GLYAT: variants seen among roughly 807,000 people sequenced by gnomAD.
GLYAT encodes the protein glycine-N-acyltransferase, also known as glycine N-acyltransferase.
GLYAT carries 25 observed loss-of-function variants against 22.8 expected under a neutral mutation model. The observed-to-expected ratio is 1.09, with a 90% CI of 0.80 to 1.53. GLYAT has a LOEUF of 1.53. Ranked by LOEUF, GLYAT falls within the 40% of genes most tolerant of loss-of-function variation. GLYAT has a pLI of 0.00. For synonymous variants in GLYAT, 140 were observed against 122.7 expected, an observed-to-expected ratio of 1.14 and a Z score of -0.93; for missense variants, 411 against 353.9, an observed-to-expected ratio of 1.16 and a Z score of -1.29.
In GLYAT at chr11:58,709,865, A is replaced by G. The variant is rs1422656265; in HGVS notation, c.792T>C (p.His264=). The change falls in exon 6 of 6, where the codon CAT becomes CAC. Residue 264 remains histidine (H), a synonymous_variant. Coordinates refer to ENST00000344743, the MANE Select transcript of GLYAT (RefSeq NM_201648.3). ...GCATAGCTTCATTGCTGTAGTCTAC[A>G]TGAGAATAGACAGGAAACCCAAGTT... ...LGKLGFPVYS[H]VDYSNEAMQK... 6 of 1,614,100 alleles carry G rather than the reference A, an allele frequency of 3.7e-6. No individual in the cohort carries two copies. The highest frequency in any genetic ancestry group is 5.1e-6 in the Non-Finnish European group (6 of 1,179,942).
At chr11:58,730,553 C>T (rs572170140) in intron 1 of GLYAT, among the ~76,000 whole-genome samples, 1 of 152,240 alleles carries the variant, frequency 6.6e-6, no homozygotes, top group South Asian at 2.1e-4. Flanking sequence ...ATAATCTGAC[C>T]ACAGTCTCAC....
At chr11:58,710,242 G>T in intron 5 of GLYAT, 74 bp from the exon 6 acceptor site, 1 of 1,517,382 alleles carries the variant, frequency 6.6e-7, no homozygotes, top group Non-Finnish European at 8.8e-7. Flanking sequence ...CTATTGTCTT[G>T]AGAGACAGAG....
At chr11:58,726,137 G>C (rs1368134899) in intron 1 of GLYAT, among the ~76,000 whole-genome samples, 1 of 151,988 alleles carries the variant, frequency 6.6e-6, no homozygotes, top group Non-Finnish European at 1.5e-5. Context: ...ATTTTAGAGA[G>C]ACAGTTAACA....
rs1856576792 is a variant in GLYAT at position 58,709,126 on chromosome 11, T to C, written c.*640A>G. ...AGGAGTTGTGGGTTTTGGAAGCTCATCTTTAGAAAAAACATTGGATCTTTT... is the reference window on the plus strand; with the variant it reads ...AGGAGTTGTGGGTTTTGGAAGCTCACCTTTAGAAAAAACATTGGATCTTTT... On this transcript the variant is annotated 3_prime_UTR_variant, in exon 6 of 6. Transcript: ENST00000344743. The C allele has an allele frequency of 6.6e-6, 1 of 152,206 alleles. No individual in the cohort carries two copies. The highest frequency in any genetic ancestry group is 2.4e-5 in the African/African-American group (1 of 41,452). 9.4% of individuals were successfully genotyped at this position (152,206 alleles called of 1,614,324 possible). A position where few individuals can be genotyped will look rare whatever the true frequency, so the allele number is the denominator to read the frequency against.
intron 2 of GLYAT, among the ~76,000 whole-genome samples, chr11:58,723,513 G>A (rs1259218594): frequency 1.3e-5 from 2 of 152,020 alleles, no homozygotes; most frequent in East Asian, 3.9e-4. Context: ...TATACTGAAA[G>A]AAGGGAATAA....
chr11:58,722,939 A>T (rs1414196114), intron 2 of GLYAT, among the ~76,000 whole-genome samples: 1 of 152,074 alleles, frequency 6.6e-6, no homozygotes, highest in Non-Finnish European at 1.5e-5. Context: ...TTAGGGGAAA[A>T]TGTATGTCTT....
At chr11:58,720,521 C>T (rs60207372) in intron 2 of GLYAT, among the ~76,000 whole-genome samples, 3,795 of 152,076 alleles carry the variant, frequency 0.025, 158 homozygotes, top group African/African-American at 0.087. Flanking sequence ...CATTCCTGGA[C>T]GTAGGCCTAA....
intron 3 of GLYAT, 99 bp from the exon 4 acceptor site, chr11:58,712,985 G>T: frequency 1.4e-6 from 1 of 713,800 alleles, no homozygotes; most frequent in Non-Finnish European, 2.2e-6. Flanking sequence ...AATATTGGTA[G>T]TTTTATTGGT....
rs1415946806 is a variant in GLYAT at position 58,715,341 on chromosome 11, G to C, written c.164C>G (p.Thr55Arg). 1 of 1,566,234 alleles carries C rather than the reference G, an allele frequency of 6.4e-7. No individual in the cohort carries two copies. Among genetic ancestry groups the C allele is most frequent in the Non-Finnish European group, 8.8e-7 (1 of 1,136,758 alleles). ...AVVDKWPDFN[T>R]VVVCPQEQDM... ...CTGCTCCTGAGGGCAGACAACCACT[G>C]TATTAAAATCAGGCCACTTGTCCAC... Residue 55 changes from threonine (T) to arginine (R), a missense_variant, in exon 3 of 6, where the codon ACA becomes AGA. Coordinates refer to ENST00000344743, the MANE Select transcript of GLYAT (RefSeq NM_201648.3).
chr11:58,719,050 T>C (rs1239720876), intron 2 of GLYAT, among the ~76,000 whole-genome samples: 1 of 152,002 alleles, frequency 6.6e-6, no homozygotes, highest in Non-Finnish European at 1.5e-5. Flanking sequence ...AATTGTGTCA[T>C]TTTTGTACTT....
In GLYAT at chr11:58,709,672, C is replaced by A. The variant is rs1053570240; in HGVS notation, c.*94G>T. On this transcript the variant is annotated 3_prime_UTR_variant, in exon 6 of 6. Transcript: ENST00000344743. Reference sequence around the variant, plus strand: ...CCAAACAGTGCCCACTCCTTTACTGCTGATTACAATTTATTATTTCTTTTC... The same window carrying A: ...CCAAACAGTGCCCACTCCTTTACTGATGATTACAATTTATTATTTCTTTTC... 5 of 1,349,434 alleles carry A rather than the reference C, an allele frequency of 3.7e-6. No individual in the cohort carries two copies. The South Asian group carries it at 5.5e-5, about 15-fold the overall frequency. The allele number at this position is 1,349,434 out of a possible 1,614,324, so 83.6% of individuals were successfully genotyped here.
chr11:58,728,946 G>C (rs1387127795), intron 1 of GLYAT, among the ~76,000 whole-genome samples: 1 of 147,418 alleles, frequency 6.8e-6, no homozygotes, highest in Non-Finnish European at 1.5e-5. Flanking sequence ...AGGAAGGAAG[G>C]AGAGAATAAA....
chr11:58,718,024 C>A (rs1036563766), intron 2 of GLYAT, among the ~76,000 whole-genome samples: 3 of 152,024 alleles, frequency 2.0e-5, no homozygotes, highest in Admixed American at 2.0e-4. Flanking sequence ...TCTTTATTTA[C>A]CACAGTCAGA....
rs148325845 is a variant in GLYAT, at chr11:58,715,226, C to T, written c.189+90G>A. The T allele has an allele frequency of 1.2e-5, 8 of 654,750 alleles. No homozygotes were observed. The African/African-American group carries it at 1.5e-4, about 12-fold the overall frequency. 40.6% of individuals were successfully genotyped at this position (654,750 alleles called of 1,614,324 possible). A position where few individuals can be genotyped will look rare whatever the true frequency, so the allele number is the denominator to read the frequency against. ...TGTTGACTATTACTATGATTTACTT[C>T]TGCATGCCCTGGCTCTACCATATTG... is the stretch of plus-strand genomic sequence containing the variant. On this transcript the variant is annotated intron_variant, in intron 3 of 5. Transcript: ENST00000344743.
At chr11:58,725,928 T>C (rs1856807179) in intron 1 of GLYAT, among the ~76,000 whole-genome samples, 1 of 152,092 alleles carries the variant, frequency 6.6e-6, no homozygotes, top group Non-Finnish European at 1.5e-5. Context: ...ACTTAAGGCA[T>C]TCTCCCTTAC....
chr11:58,728,371 A>T (rs11229602), intron 1 of GLYAT, among the ~76,000 whole-genome samples: 27,812 of 151,828 alleles, frequency 0.18, 2,685 homozygotes, highest in East Asian at 0.26. Context: ...AAAGCTTTTT[A>T]AAAAACTTTC....
intron 1 of GLYAT, among the ~76,000 whole-genome samples, chr11:58,725,833 G>C (rs112111057): frequency 0.019 from 2,862 of 152,204 alleles, 32 homozygotes; most frequent in South Asian, 0.045. Context: ...CTTCCCATGG[G>C]GGTGGGCTGT....
rs144028389 is a variant in GLYAT at position 58,710,551 on chromosome 11, G to A, written c.488+39C>T. 1,454 of 1,453,288 alleles carry A rather than the reference G, an allele frequency of 1.0e-3. 16 individuals are homozygous for A. In the African/African-American group the frequency reaches 0.018, roughly 18 times the overall value. 90.0% of individuals were successfully genotyped at this position (1,453,288 alleles called of 1,614,324 possible). A position where few individuals can be genotyped will look rare whatever the true frequency, so the allele number is the denominator to read the frequency against. ...GGAGAGAAGTTGGGAGGTTACTTGA[G>A]AGGTGTGAGTGGTATAGACTGGATT... is the stretch of plus-strand genomic sequence containing the variant. On this transcript the variant is annotated intron_variant, in intron 5 of 5. Coordinates refer to ENST00000344743, the MANE Select transcript of GLYAT (RefSeq NM_201648.3).
intron 2 of GLYAT, among the ~76,000 whole-genome samples, chr11:58,723,515 AG>A (rs1435645032): frequency 6.6e-6 from 1 of 152,124 alleles, no homozygotes; most frequent in Non-Finnish European, 1.5e-5. Flanking sequence ...TACTGAAAGA[AG>A]GGAATAACAA....
Sources: gnomAD v4.1 joint callset for allele counts (sites outside exome capture counted in the v4.1 genomes callset) on GRCh38, gnomAD v4.1.1 for gene constraint, MANE v1.5 for transcripts, NCBI Gene and HGNC (gene_info 2026-07-23, HGNC 2026-07-21) for gene names.